Variants in PSME4 observed in about 807,000 individuals in gnomAD.
The protein encoded by PSME4 is proteasome activator complex subunit 4.
Under a neutral mutation model 253.9 loss-of-function variants are expected in PSME4, and 89 were observed. The ratio of observed to expected loss-of-function variants is 0.35; its 90% CI spans 0.30 to 0.42. PSME4 has a LOEUF of 0.42. Ranked by LOEUF, PSME4 falls within the 10% of genes least tolerant of loss-of-function variation. PSME4 has a pLI of 1.00. For synonymous variants in PSME4, 851 were observed against 759.2 expected (o/e 1.12, Z -1.99); for missense variants, 2,014 against 2,195.2 (o/e 0.92, Z 1.65).
intron 12 of PSME4, among the ~76,000 whole-genome samples, chr2:53,926,444 C>T (rs1039593053): frequency 6.6e-6 from 1 of 152,198 alleles, no homozygotes; most frequent in African/African-American, 2.4e-5. Context: ...GAGGCCGAGG[C>T]AAGCGAATCA....
chr2:53,932,104 G>A lies in PSME4; in HGVS notation c.1051-4C>T. On this transcript the variant is annotated splice_polypyrimidine_tract_variant and splice_region_variant and intron_variant, in intron 9 of 46. Transcript: ENST00000404125. ...GAAGTAGTTTCATTAACTTGTTCTG[G>A]GGACACAGAAGCAAAAAGTTCTAAG... 2 of 1,611,358 alleles carry A rather than the reference G, an allele frequency of 1.2e-6. No individual in the cohort carries two copies. Among genetic ancestry groups the A allele is most frequent in the Non-Finnish European group, 1.7e-6 (2 of 1,178,224 alleles).
At chr2:53,906,892 T>C (rs1325165975) in intron 24 of PSME4, 24 bp from the exon 25 acceptor site, 12 of 1,605,718 alleles carry the variant, frequency 7.5e-6, no homozygotes, top group Non-Finnish European at 1.0e-5. Flanking sequence ...TAGCAACAAA[T>C]ACTTCAACAT....
At chr2:53,906,355 C>T (rs144285371) in intron 26 of PSME4, among the ~76,000 whole-genome samples, 1 of 152,216 alleles carries the variant, frequency 6.6e-6, no homozygotes, top group African/African-American at 2.4e-5. Context: ...GCAACCTTAG[C>T]TTGAATATAT....
chr2:53,934,650 A>T lies in PSME4; in HGVS notation c.912T>A (p.Asn304Lys), dbSNP rs1349467994. The change falls in exon 8 of 47, where the codon AAT becomes AAA. Residue 304 changes from asparagine to lysine, a missense_variant. Asn to Lys is a moderately conservative substitution (Grantham distance 94). Transcript: ENST00000404125. ...SQVLVPRFLT[N>K]AYDIGHAVIW... ...TTACAGCATGTCCTATATCATAAGC[A>T]TTTGTTAAAAATCTTGGGACTAACA... 1.9e-6 allele frequency: 3 copies of T among 1,612,508 alleles called. No homozygotes were observed. Among genetic ancestry groups the T allele is most frequent in the Non-Finnish European group, 2.5e-6 (3 of 1,178,810 alleles).
At chr2:53,952,644 C>A (rs997964876) in intron 1 of PSME4, among the ~76,000 whole-genome samples, 1 of 152,222 alleles carries the variant, frequency 6.6e-6, no homozygotes, top group Non-Finnish European at 1.5e-5. Flanking sequence ...ACACTGTACT[C>A]TAAGCCAGCA....
intron 1 of PSME4, among the ~76,000 whole-genome samples, chr2:53,967,304 G>A (rs1670780948): frequency 6.6e-6 from 1 of 152,036 alleles, no homozygotes; most frequent in Non-Finnish European, 1.5e-5. Context: ...CTTCAGAGAT[G>A]TTAAACAGAC....
intron 1 of PSME4, among the ~76,000 whole-genome samples, chr2:53,951,761 T>G (rs553514368): frequency 6.6e-6 from 1 of 152,182 alleles, no homozygotes; most frequent in Non-Finnish European, 1.5e-5. Flanking sequence ...AAGAACATAA[T>G]GCAGATATTA....
Position 53,931,960 on chromosome 2 carries a change from T to C in PSME4, c.1191A>G (p.Val397=). ...KLTDQDVTDF[V]QCIIQPVLLA... ...AGAGGACAGGCTGAATAATGCATTG[T>C]ACAAAGTCTGTAACATCTTGATCAG... is the stretch of plus-strand genomic sequence containing the variant. Residue 397 remains valine, a synonymous_variant, in exon 10 of 47, where the codon GTA becomes GTG. Transcript: ENST00000404125. 6.2e-7 allele frequency: 1 copy of C among 1,614,182 alleles called. No individual in the cohort carries two copies. The highest frequency in any genetic ancestry group is 8.5e-7 in the Non-Finnish European group (1 of 1,180,000).
At chr2:53,964,855 T>A (rs188156106) in intron 1 of PSME4, among the ~76,000 whole-genome samples, 26 of 152,344 alleles carry the variant, frequency 1.7e-4, no homozygotes, top group African/African-American at 6.3e-4. Context: ...TGGTTTCAAC[T>A]GGGATAATCA....
At chr2:53,901,657 A>G in intron 27 of PSME4, 98 bp from the exon 28 acceptor site, 3 of 882,812 alleles carry the variant, frequency 3.4e-6, no homozygotes, top group Non-Finnish European at 5.0e-6. Flanking sequence ...ATGAGTATTG[A>G]TTACTTAAAT....
Position 53,875,617 on chromosome 2 carries a change from A to T in PSME4, c.4944+10T>A. ...TAATCAAAAGACATAAATATTATAA[A>T]CACTCTTACTTGTTTTAGCACCTGA... On this transcript the variant is annotated intron_variant, in intron 42 of 46. Coordinates refer to ENST00000404125, the MANE Select transcript of PSME4 (RefSeq NM_014614.3). The T allele has an allele frequency of 6.3e-7, 1 of 1,594,936 alleles. No homozygotes were observed. The highest frequency in any genetic ancestry group is 8.5e-7 in the Non-Finnish European group (1 of 1,174,234).
intron 4 of PSME4, among the ~76,000 whole-genome samples, chr2:53,938,936 G>A (rs1308941612): frequency 6.6e-6 from 1 of 152,116 alleles, no homozygotes; most frequent in Non-Finnish European, 1.5e-5. Flanking sequence ...TCCTTCTTAA[G>A]TTTTCTGATT....
rs1678461992 is a variant in PSME4 at position 53,864,194 on chromosome 2, G to A, written c.*1384C>T. 6.6e-6 allele frequency: 1 copy of A among 152,182 alleles called. No homozygotes were observed. The highest frequency in any genetic ancestry group is 2.1e-4 in the South Asian group (1 of 4,834). 9.4% of individuals were successfully genotyped at this position (152,182 alleles called of 1,614,324 possible). ...AATACTGTACCAGGACCACTGCTGTGCTTAGGTCTGTATTCAGTCATTCAG... is the reference window on the plus strand; with the variant it reads ...AATACTGTACCAGGACCACTGCTGTACTTAGGTCTGTATTCAGTCATTCAG... On this transcript the variant is annotated 3_prime_UTR_variant, in exon 47 of 47. Transcript: ENST00000404125.
chr2:53,959,279 C>A (rs902825755), intron 1 of PSME4, among the ~76,000 whole-genome samples: 1 of 152,010 alleles, frequency 6.6e-6, no homozygotes, highest in African/African-American at 2.4e-5. Flanking sequence ...GCAGGAGAAT[C>A]GCTGGAACCC....
chr2:53,960,933 C>G (rs538914931), intron 1 of PSME4, among the ~76,000 whole-genome samples: 1 of 152,216 alleles, frequency 6.6e-6, no homozygotes, highest in South Asian at 2.1e-4. Flanking sequence ...CATGGAGAAA[C>G]CCAGTCTCTA....
chr2:53,965,116 C>A (rs1188014731), intron 1 of PSME4, among the ~76,000 whole-genome samples: 1 of 152,144 alleles, frequency 6.6e-6, no homozygotes, highest in African/African-American at 2.4e-5. Context: ...CACACACACA[C>A]ACACGAATCA....
At chr2:53,920,687 T>C (rs955859796) in intron 18 of PSME4, among the ~76,000 whole-genome samples, 2 of 152,216 alleles carry the variant, frequency 1.3e-5, no homozygotes, top group African/African-American at 2.4e-5. Context: ...TACGAAGTTG[T>C]TTCACATATC....
intron 1 of PSME4, 51 bp downstream of exon 1, chr2:53,970,490 CCT>C (rs1671014580): frequency 4.5e-6 from 7 of 1,546,808 alleles, no homozygotes; most frequent in Non-Finnish European, 5.2e-6. Context: ...ATCCCCGACA[CCT>C]CTCACTGAGC....
chr2:53,951,177 G>A (rs546360260), intron 1 of PSME4, among the ~76,000 whole-genome samples: 1 of 152,062 alleles, frequency 6.6e-6, no homozygotes, highest in Non-Finnish European at 1.5e-5. Context: ...CTGCCTCCTG[G>A]ATTCAAGCAA....
Sources: allele counts gnomAD v4.1 joint callset (sites outside exome capture counted in the v4.1 genomes callset), GRCh38; gene constraint gnomAD v4.1.1; transcripts MANE v1.5; gene names NCBI Gene and HGNC (gene_info 2026-07-23, HGNC 2026-07-21).